The following TAFA5 variants were observed in gnomAD, a reference collection of about 807,000 sequenced individuals.
TAFA5 encodes the protein TAFA chemokine like family member 5, also known as chemokine-like protein TAFA-5.
In TAFA5, 6 loss-of-function variants were observed where a neutral mutation model predicts 15.3. The observed-to-expected ratio is 0.39, with a 90% CI of 0.21 to 0.77. TAFA5 has a LOEUF of 0.77. Among genes scored for constraint, TAFA5 ranks in the 30% least tolerant of loss-of-function variants. The probability of loss-of-function intolerance (pLI) is 0.41; values close to 1 mark genes in which losing one functional copy is unlikely to be tolerated. For missense variants in TAFA5, 161 were observed against 193.1 expected (o/e 0.83, Z 0.98); for synonymous variants, 103 against 80.7 (o/e 1.28, Z -1.48).
intron 1 of TAFA5, among the ~76,000 whole-genome samples, chr22:48,640,173 C>G (rs900727140): frequency 5.3e-5 from 8 of 152,210 alleles, no homozygotes; most frequent in African/African-American, 1.9e-4. Context: ...GGCCACCAGA[C>G]CACTCCTCAG....
intron 1 of TAFA5, among the ~76,000 whole-genome samples, chr22:48,612,807 A>T (rs1925459591): frequency 6.6e-6 from 1 of 152,038 alleles, no homozygotes; most frequent in Non-Finnish European, 1.5e-5. Context: ...ATGTGTCTCC[A>T]TGTGTCCCTC....
At chr22:48,710,054 C>T (rs1929204631) in intron 3 of TAFA5, among the ~76,000 whole-genome samples, 2 of 152,218 alleles carry the variant, frequency 1.3e-5, no homozygotes, top group Non-Finnish European at 2.9e-5. Flanking sequence ...CTCTACCTTG[C>T]TTCAGGGCAT....
intron 1 of TAFA5, chr22:48,576,483 G>A: frequency 6.8e-7 from 1 of 1,472,480 alleles, no homozygotes; most frequent in Non-Finnish European, 9.1e-7. Context: ...ACTCCGCGAT[G>A]CAGCTCCTGA....
At chr22:48,673,032 T>G (rs1017195942) in intron 2 of TAFA5, among the ~76,000 whole-genome samples, 1 of 152,170 alleles carries the variant, frequency 6.6e-6, no homozygotes, top group Non-Finnish European at 1.5e-5. Flanking sequence ...CACACCCCGC[T>G]AAGGAATGCT....
rs12330020 is a variant in TAFA5 at position 48,507,161 on chromosome 22, A to C, written c.112+17457A>C. Among the ~76,000 whole-genome samples, 752 of 101,876 alleles carry C rather than the reference A, an allele frequency of 7.4e-3. 12 individuals are homozygous for C. Among genetic ancestry groups the C allele is most frequent in the African/African-American group, 0.029 (551 of 19,066 alleles). The allele number at this position is 101,876 out of a possible 152,430, so 66.8% of individuals were successfully genotyped here. A position where few individuals can be genotyped will look rare whatever the true frequency, so the allele number is the denominator to read the frequency against. On this transcript the variant is annotated intron_variant, in intron 1 of 3. Coordinates refer to ENST00000402357, the MANE Select transcript of TAFA5 (RefSeq NM_001082967.3). Reference sequence around the variant, plus strand: ...AGTAGGAAGAGAAGGAGGTGGCCGCAAAGGGCCAGGTGTGTAGTTGGAGAA... The same window carrying C: ...AGTAGGAAGAGAAGGAGGTGGCCGCCAAGGGCCAGGTGTGTAGTTGGAGAA...
intron 3 of TAFA5, among the ~76,000 whole-genome samples, chr22:48,745,000 C>T (rs752395019): frequency 6.6e-6 from 1 of 152,216 alleles, no homozygotes; most frequent in Non-Finnish European, 1.5e-5. Flanking sequence ...AGGTGATCCA[C>T]CTGCCTTGGC....
At chr22:48,547,785 G>T (rs1306829945) in intron 1 of TAFA5, among the ~76,000 whole-genome samples, 1 of 152,166 alleles carries the variant, frequency 6.6e-6, no homozygotes, top group Non-Finnish European at 1.5e-5. Flanking sequence ...CTCTGGGGTG[G>T]GTCTCAGTGT....
intron 3 of TAFA5, among the ~76,000 whole-genome samples, chr22:48,712,352 G>A (rs1054663824): frequency 1.3e-5 from 2 of 152,268 alleles, no homozygotes; most frequent in East Asian, 1.9e-4. Flanking sequence ...CCACCGTGCC[G>A]GCCCAAGATC....
intron 3 of TAFA5, among the ~76,000 whole-genome samples, chr22:48,731,371 G>A (rs73177106): frequency 0.012 from 1,783 of 152,326 alleles, 20 homozygotes; most frequent in Non-Finnish European, 0.017. Flanking sequence ...ATTGATGAAG[G>A]TGGCTCCATT....
At chr22:48,582,052 C>T (rs1207802877) in intron 1 of TAFA5, among the ~76,000 whole-genome samples, 6 of 152,056 alleles carry the variant, frequency 3.9e-5, no homozygotes, top group Non-Finnish European at 8.8e-5. Flanking sequence ...AACCATGGGA[C>T]CCGGTAGCCT....
chr22:48,673,278 T>A (rs1021053052), intron 2 of TAFA5, among the ~76,000 whole-genome samples: 4 of 150,548 alleles, frequency 2.7e-5, no homozygotes, highest in African/African-American at 9.7e-5. Flanking sequence ...CTGCAGATGT[T>A]TTTTGAAAAA....
intron 2 of TAFA5, among the ~76,000 whole-genome samples, chr22:48,694,154 T>C (rs1928628416): frequency 6.6e-6 from 1 of 152,182 alleles, no homozygotes; most frequent in African/African-American, 2.4e-5. Flanking sequence ...TCTTCTGTAA[T>C]GTGAAGATGA....
chr22:48,565,379 C>G (rs775672576), intron 1 of TAFA5, among the ~76,000 whole-genome samples: 1 of 152,200 alleles, frequency 6.6e-6, no homozygotes, highest in Non-Finnish European at 1.5e-5. Flanking sequence ...ACAGCAAAGT[C>G]CTAGAAGTGG....
chr22:48,520,694 A>T (rs912790516), intron 1 of TAFA5, among the ~76,000 whole-genome samples: 1 of 152,108 alleles, frequency 6.6e-6, no homozygotes, highest in Admixed American at 6.5e-5. Flanking sequence ...GACTTGGCTT[A>T]ATGGGCAGGA....
At chr22:48,696,612 C>T (rs981865076) in intron 2 of TAFA5, among the ~76,000 whole-genome samples, 19 of 152,226 alleles carry the variant, frequency 1.2e-4, no homozygotes, top group African/African-American at 1.4e-4. Context: ...AGCTAGGTTC[C>T]GGAGAGGGGA....
Position 48,644,913 on chromosome 22 carries a change from C to T in TAFA5, c.113-1684C>T, listed in dbSNP as rs141212612. On this transcript the variant is annotated intron_variant, in intron 1 of 3. Transcript: ENST00000402357. ...GTTGTCCTGAGCCCCCCAGGCAGCC[C>T]GCAGACTCTCTGCTGATCCCCACAG... 9.0e-3 allele frequency among the ~76,000 whole-genome samples: 1,366 copies of T among 152,334 alleles called. 20 individuals carry two copies. The highest frequency in any genetic ancestry group is 0.031 in the African/African-American group (1,305 of 41,576).
chr22:48,746,968 T>C (rs1315590249), intron 3 of TAFA5, among the ~76,000 whole-genome samples: 2 of 152,174 alleles, frequency 1.3e-5, no homozygotes, highest in African/African-American at 4.8e-5. Context: ...TCCCTTCCAG[T>C]AGGACCCTCG....
intron 1 of TAFA5, among the ~76,000 whole-genome samples, chr22:48,575,091 C>T (rs557135753): frequency 6.6e-6 from 1 of 152,282 alleles, no homozygotes; most frequent in East Asian, 1.9e-4. Flanking sequence ...CCCTCCCAGC[C>T]GCTGGTCGGG....
chr22:48,711,389 G>A (rs130156), intron 3 of TAFA5, among the ~76,000 whole-genome samples: 1 of 150,892 alleles, frequency 6.6e-6, no homozygotes, highest in African/African-American at 2.4e-5. Context: ...GTGAGTGACC[G>A]TGTGCTCACT....
Sources: gnomAD v4.1 joint callset for allele counts (sites outside exome capture counted in the v4.1 genomes callset) on GRCh38, gnomAD v4.1.1 for gene constraint, MANE v1.5 for transcripts, NCBI Gene and HGNC (gene_info 2026-07-23, HGNC 2026-07-21) for gene names.